Variants in PAM observed in about 807,000 individuals in gnomAD.
PAM encodes the protein peptidylglycine alpha-amidating monooxygenase.
Under a neutral mutation model 122.1 loss-of-function variants are expected in PAM, and 72 were observed. The observed-to-expected ratio is 0.59, with a 90% CI of 0.49 to 0.72. The LOEUF (loss-of-function observed/expected upper bound fraction) is 0.72. Among genes scored for constraint, PAM ranks in the 30% least tolerant of loss-of-function variants. The pLI, the probability that PAM is intolerant of heterozygous loss-of-function variation, is 0.00. For missense variants in PAM, 1,106 were observed against 1,183.7 expected, an observed-to-expected ratio of 0.93 and a Z score of 0.96; for synonymous variants, 389 against 404.4, an observed-to-expected ratio of 0.96 and a Z score of 0.46.
intron 1 of PAM, among the ~76,000 whole-genome samples, chr5:102,858,094 C>T (rs1368071039): frequency 6.6e-6 from 1 of 152,212 alleles, no homozygotes; most frequent in African/African-American, 2.4e-5. Flanking sequence ...CAAGATTATA[C>T]ACGCAAAATC....
chr5:103,006,848 G>T lies in PAM; in HGVS notation c.1851G>T (p.Leu617=). The change falls in exon 19 of 26, where the codon CTG becomes CTT. Residue 617 remains leucine, a synonymous_variant. Coordinates refer to ENST00000438793, the MANE Select transcript of PAM (RefSeq NM_001177306.2). ...ATAAAGAAGGCCCTGTATTAATCCTGGGAAGGAGCATGCAACCAGGCAGTG... is the reference window on the plus strand; with the variant it reads ...ATAAAGAAGGCCCTGTATTAATCCTTGGAAGGAGCATGCAACCAGGCAGTG... ...PNNKEGPVLI[L]GRSMQPGSDQ... 1 of 1,613,974 alleles carries T rather than the reference G, an allele frequency of 6.2e-7. No individual in the cohort carries two copies. The highest frequency in any genetic ancestry group is 1.7e-5 in the Admixed American group (1 of 59,996).
chr5:103,010,966 C>A (rs1030961450), intron 21 of PAM, among the ~76,000 whole-genome samples: 1 of 152,098 alleles, frequency 6.6e-6, no homozygotes, highest in Non-Finnish European at 1.5e-5. Flanking sequence ...TTAAAATGTA[C>A]AATTAAATTA....
chr5:103,028,925 G>A lies in PAM; in HGVS notation c.2782G>A (p.Ala928Thr), dbSNP rs758286741. The A allele has an allele frequency of 6.2e-7, 1 of 1,611,600 alleles. No homozygotes were observed. Among genetic ancestry groups the A allele is most frequent in the Non-Finnish European group, 8.5e-7 (1 of 1,179,118 alleles). The change falls in exon 26 of 26, where the codon GCA becomes ACA. Residue 928 changes from alanine (A) to threonine (T), a missense_variant. Physicochemically the swap from Ala to Thr is moderately conservative, Grantham distance 58 (BLOSUM62 0). Coordinates refer to ENST00000438793, the MANE Select transcript of PAM (RefSeq NM_001177306.2). ...AGGCTTAAACCTTGGTAATTTCTTT[G>A]CAAGCCGTAAGGGCTACAGTCGAAA... ...SGGLNLGNFF[A>T]SRKGYSRKGF...
At chr5:102,982,292 T>C (rs1451138267) in intron 15 of PAM, among the ~76,000 whole-genome samples, 1 of 152,186 alleles carries the variant, frequency 6.6e-6, no homozygotes, top group Non-Finnish European at 1.5e-5. Context: ...CTGGTGTCCA[T>C]GTGTATGACT....
chr5:102,878,685 G>C (rs1297349578), intron 3 of PAM, among the ~76,000 whole-genome samples: 1 of 151,762 alleles, frequency 6.6e-6, no homozygotes, highest in Non-Finnish European at 1.5e-5. Context: ...TGCAGGCCTA[G>C]GCTAAAGTGT....
chr5:102,838,189 T>C (rs1434186191), intron 1 of PAM: 1 of 152,164 alleles, frequency 6.6e-6, no homozygotes, highest in Non-Finnish European at 1.5e-5. Flanking sequence ...CCTCCAAATA[T>C]CATGGCATTT....
At chr5:102,899,988 G>A (rs370003851) in intron 3 of PAM, among the ~76,000 whole-genome samples, 9 of 151,592 alleles carry the variant, frequency 5.9e-5, no homozygotes, top group Non-Finnish European at 8.9e-5. Context: ...GAGCTGTGCG[G>A]TTATCTCCCT....
At chr5:102,862,223 C>CT (rs1156490190) in intron 1 of PAM, among the ~76,000 whole-genome samples, 3,620 of 135,674 alleles carry the variant, frequency 0.027, 111 homozygotes, top group African/African-American at 0.077. Context: ...CACATATTGT[C>CT]TTTTTTTTTT....
At chr5:102,778,513 T>G (rs1457570043) in intron 1 of PAM, among the ~76,000 whole-genome samples, 1 of 152,172 alleles carries the variant, frequency 6.6e-6, no homozygotes, top group Non-Finnish European at 1.5e-5. Context: ...CCCTGGCATT[T>G]AGAATGAAAT....
chr5:102,802,716 T>C (rs1361413910), intron 1 of PAM, among the ~76,000 whole-genome samples: 1 of 152,204 alleles, frequency 6.6e-6, no homozygotes, highest in Non-Finnish European at 1.5e-5. Flanking sequence ...AGAATACAGA[T>C]GAAGCCTCTC....
At chr5:103,003,009 T>A (rs1777849634) in intron 16 of PAM, 24 bp from the exon 17 acceptor site, 1 of 997,510 alleles carries the variant, frequency 1.0e-6, no homozygotes, top group East Asian at 2.4e-5. Flanking sequence ...TTGTTTCATG[T>A]CCTATTTAAT....
At chr5:102,916,443 T>G (rs572332763) in intron 5 of PAM, among the ~76,000 whole-genome samples, 131 of 152,030 alleles carry the variant, frequency 8.6e-4, no homozygotes, top group African/African-American at 3.0e-3. Flanking sequence ...ATTTGTAGAC[T>G]TGTTATGATT....
chr5:102,878,194 A>G (rs180761307), intron 3 of PAM, among the ~76,000 whole-genome samples: 1 of 152,270 alleles, frequency 6.6e-6, no homozygotes, highest in African/African-American at 2.4e-5. Context: ...ATTTCAGTCA[A>G]TAGAATAATT....
At chr5:102,768,091 G>T (rs1196662482) in intron 1 of PAM, among the ~76,000 whole-genome samples, 2 of 152,080 alleles carry the variant, frequency 1.3e-5, no homozygotes, top group African/African-American at 2.4e-5. Context: ...CAGTGACAAA[G>T]AATACTGCTA....
chr5:102,787,941 T>C (rs1217367569), intron 1 of PAM, among the ~76,000 whole-genome samples: 1 of 152,086 alleles, frequency 6.6e-6, no homozygotes, highest in African/African-American at 2.4e-5. Context: ...TATTGGCAAA[T>C]TTGGCAAAAT....
intron 1 of PAM, among the ~76,000 whole-genome samples, chr5:102,862,399 C>A (rs1784435145): frequency 6.6e-6 from 1 of 151,886 alleles, no homozygotes; most frequent in Non-Finnish European, 1.5e-5. Context: ...CATAGTTGTG[C>A]CTTGTTCAGT....
At chr5:102,968,815 A>G (rs1392150695) in intron 14 of PAM, among the ~76,000 whole-genome samples, 2 of 152,188 alleles carry the variant, frequency 1.3e-5, no homozygotes, top group Admixed American at 1.3e-4. Context: ...CACTATTCCC[A>G]ATAGCGAAGA....
intron 1 of PAM, among the ~76,000 whole-genome samples, chr5:102,809,764 T>G (rs1357100146): frequency 1.3e-5 from 2 of 152,252 alleles, no homozygotes; most frequent in African/African-American, 4.8e-5. Flanking sequence ...AATTTAAATT[T>G]AATTGCTTTT....
chr5:102,930,495 G>A (rs1261975203), intron 7 of PAM, among the ~76,000 whole-genome samples: 1 of 152,198 alleles, frequency 6.6e-6, no homozygotes, highest in Non-Finnish European at 1.5e-5. Flanking sequence ...AGACACGGGA[G>A]TGAAACAGCA....
Sources: gnomAD v4.1 joint callset for allele counts (sites outside exome capture counted in the v4.1 genomes callset) on GRCh38, gnomAD v4.1.1 for gene constraint, MANE v1.5 for transcripts, NCBI Gene and HGNC (gene_info 2026-07-23, HGNC 2026-07-21) for gene names.